The following VPS9D1 variants were observed in gnomAD, a reference collection of about 807,000 sequenced individuals.
VPS9D1 encodes the protein VPS9 domain-containing protein 1.
Under a neutral mutation model 75.8 loss-of-function variants are expected in VPS9D1, and 78 were observed. That is an observed-to-expected ratio of 1.03 (90% CI 0.86 to 1.24). The LOEUF is 1.24. Ranked by LOEUF, VPS9D1 falls within the 50% of genes most tolerant of loss-of-function variation. The probability of loss-of-function intolerance (pLI) is 0.00; values close to 1 mark genes in which losing one functional copy is unlikely to be tolerated. For missense variants in VPS9D1, 1,057 were observed against 847.7 expected (o/e 1.25, Z -3.07); for synonymous variants, 481 against 385.6 (o/e 1.25, Z -2.90).
rs2151634775 is a variant in VPS9D1 at position 89,715,562 on chromosome 16, C to T, written c.431+900G>A. 3.3e-5 allele frequency among the ~76,000 whole-genome samples: 5 copies of T among 150,014 alleles called. No individual in the cohort carries two copies. In the Middle Eastern group the frequency reaches 0.017, roughly 510 times the overall value. ...TTTTAGACAGAGTCTCATTTTGTTG[C>T]CCAAGCTGGAGTGCACTGGCACAAT... On this transcript the variant is annotated intron_variant, in intron 4 of 14. Transcript: ENST00000389386.
chr16:89,720,614 G>T (rs141038007), intron 1 of VPS9D1, 149 bp downstream of exon 1: 31 of 1,221,800 alleles, frequency 2.5e-5, no homozygotes, highest in Non-Finnish European at 3.2e-5. Flanking sequence ...CCCCGCCCCC[G>T]TCCTCGCCCG....
rs753224555 is a variant in VPS9D1 at position 89,716,497 on chromosome 16, C to T, written c.396G>A (p.Gln132=). The change falls in exon 4 of 15, where the codon CAG becomes CAA. Residue 132 remains glutamine (Q), a synonymous_variant. Coordinates refer to ENST00000389386, the MANE Select transcript of VPS9D1 (RefSeq NM_004913.3). Reference sequence around the variant, plus strand: ...TTTGTGACTCTGCCCCCTGAAGCTTCTGGAAGATCTCGGGTGGCAGAAAAG... The same window carrying T: ...TTTGTGACTCTGCCCCCTGAAGCTTTTGGAAGATCTCGGGTGGCAGAAAAG... ...LSPFLPPEIF[Q]KLQGAESQSC... 1.6e-5 allele frequency: 26 copies of T among 1,614,010 alleles called. No individual in the cohort carries two copies. The Admixed American group carries it at 4.2e-4, about 26-fold the overall frequency.
chr16:89,716,880 G>C (rs1291473181), intron 2 of VPS9D1, 58 bp from the exon 3 acceptor site: 1 of 1,460,552 alleles, frequency 6.8e-7, no homozygotes, highest in Non-Finnish European at 9.2e-7. Flanking sequence ...ACTTACTGCT[G>C]AGATAAAATG....
rs1369587327 is a variant in VPS9D1 at position 89,710,793 on chromosome 16, G to A, written c.1051C>T (p.Pro351Ser). The change falls in exon 10 of 15, where the codon CCC becomes TCC. Residue 351 changes from proline (P) to serine (S), a missense_variant. Coordinates refer to ENST00000389386, the MANE Select transcript of VPS9D1 (RefSeq NM_004913.3). ...SAAPRPQDSPPTPPLQPGPVG... is the reference protein window; with the variant it reads ...SAAPRPQDSPSTPPLQPGPVG... ...GGGCCGGGTTGGAGTGGGGGCGTGG[G>A]GGGACTGTCCTGGGGCCGCGGGGCT... 6.5e-7 allele frequency: 1 copy of A among 1,550,332 alleles called. No individual in the cohort carries two copies. The highest frequency in any genetic ancestry group is 8.7e-7 in the Non-Finnish European group (1 of 1,146,628).
In VPS9D1 at chr16:89,707,810, A is replaced by G; in HGVS notation, c.*51T>C. Reference sequence around the variant, plus strand: ...CCATGGCTCCAGGTGTAGGAGAGACAGCCCTGGGAGGCGAGGCCAGGCCCT... The same window carrying G: ...CCATGGCTCCAGGTGTAGGAGAGACGGCCCTGGGAGGCGAGGCCAGGCCCT... On this transcript the variant is annotated 3_prime_UTR_variant, in exon 15 of 15. Transcript: ENST00000389386. 6.4e-7 allele frequency: 1 copy of G among 1,550,468 alleles called. No individual in the cohort carries two copies. The highest frequency in any genetic ancestry group is 8.9e-7 in the Non-Finnish European group (1 of 1,124,814).
At chr16:89,709,472 G>C in intron 11 of VPS9D1, 37 bp from the exon 12 acceptor site, 3 of 1,490,214 alleles carry the variant, frequency 2.0e-6, no homozygotes, top group Non-Finnish European at 2.7e-6. Context: ...CTGCCCCAGG[G>C]ACCTTGCCCT....
chr16:89,712,005 G>C, intron 7 of VPS9D1, 36 bp from the exon 8 acceptor site: 1 of 1,549,460 alleles, frequency 6.5e-7, no homozygotes, highest in Non-Finnish European at 8.7e-7. Context: ...GCCGGGGCCA[G>C]GCCCTCCCCG....
intron 3 of VPS9D1, 45 bp from the exon 4 acceptor site, chr16:89,716,669 C>T: frequency 6.2e-7 from 1 of 1,603,266 alleles, no homozygotes; most frequent in Non-Finnish European, 8.5e-7. Flanking sequence ...GGCCACATCC[C>T]ACAGAGGAGA....
At chr16:89,718,904 G>A (rs1446032588) in intron 2 of VPS9D1, 123 bp downstream of exon 2, 12 of 774,082 alleles carry the variant, frequency 1.6e-5, no homozygotes, top group Middle Eastern at 3.9e-4. Context: ...TAGTAGAGAC[G>A]GGGTTTCACC....
rs2061080209 is a variant in VPS9D1, at chr16:89,716,793, A to C, written c.205T>G (p.Ser69Ala). 6.3e-7 allele frequency: 1 copy of C among 1,592,650 alleles called. No individual in the cohort carries two copies. Among genetic ancestry groups the C allele is most frequent in the South Asian group, 1.1e-5 (1 of 88,250 alleles). ...EAGETVPPDTSKMLKLAQQCL... is the reference protein window; with the variant it reads ...EAGETVPPDTAKMLKLAQQCL... Reference sequence around the variant, plus strand: ...TGCTGTGCTAGCTTCAGCATCTTGGAGGTGTCGGGGGGCACAGTTTCCCCA... The same window carrying C: ...TGCTGTGCTAGCTTCAGCATCTTGGCGGTGTCGGGGGGCACAGTTTCCCCA... Residue 69 changes from serine (S) to alanine (A), a missense_variant, in exon 3 of 15, where the codon TCC becomes GCC. By Grantham distance (99) the Ser-to-Ala change is moderately conservative. Transcript: ENST00000389386.
At position 89,709,013 on chromosome 16, in the gene VPS9D1, C is replaced by T. The variant is rs1382607738; in HGVS notation, c.1598-57G>A. The T allele has an allele frequency of 7.5e-5, 97 of 1,286,408 alleles. 1 individual carries two copies. Among genetic ancestry groups the T allele is most frequent in the South Asian group, 5.7e-4 (42 of 73,818 alleles). 79.7% of individuals were successfully genotyped at this position (1,286,408 alleles called of 1,614,324 possible). On this transcript the variant is annotated intron_variant, in intron 12 of 14. Transcript: ENST00000389386. The stretch of plus-strand genomic sequence containing the variant: ...AACCCCGTCCAGCAGCCTGAGCCAC[C>T]CCTTATACCCCGCCCACCCACCCAC...
At chr16:89,711,567 C>G in intron 8 of VPS9D1, 155 bp from the exon 9 acceptor site, 2 of 724,028 alleles carry the variant, frequency 2.8e-6, no homozygotes, top group Non-Finnish European at 4.5e-6. Flanking sequence ...GCCCCCGCCC[C>G]CACCCACACC....
At chr16:89,716,031 C>T (rs1170875878) in intron 4 of VPS9D1, among the ~76,000 whole-genome samples, 2 of 150,932 alleles carry the variant, frequency 1.3e-5, no homozygotes, top group African/African-American at 4.9e-5. Context: ...ATTTTAAAAA[C>T]ATTCGCTGTC....
At position 89,712,528 on chromosome 16, in the gene VPS9D1, G is replaced by A; in HGVS notation, c.544-6C>T. 3 of 1,612,296 alleles carry A rather than the reference G, an allele frequency of 1.9e-6. No individual in the cohort carries two copies. Among genetic ancestry groups the A allele is most frequent in the South Asian group, 2.2e-5 (2 of 91,064 alleles). ...TGCCGCTGTAGAGAGAGGGTCTGGG[G>A]GGGGAGGAGGGAGTAAGGCCGACTC... On this transcript the variant is annotated splice_polypyrimidine_tract_variant and splice_region_variant and intron_variant, in intron 5 of 14. Transcript: ENST00000389386.
chr16:89,716,366 A>G lies in VPS9D1; in HGVS notation c.431+96T>C, dbSNP rs1052086635. ...GGGTGACAGAGTGAGACTCTGTCTC[A>G]AAAAACAAAAAAAAAATCGCTGTCA... On this transcript the variant is annotated intron_variant, in intron 4 of 14. Transcript: ENST00000389386. The G allele has an allele frequency of 6.4e-6, 10 of 1,571,530 alleles. No homozygotes were observed. The East Asian group carries it at 2.3e-4, about 35-fold the overall frequency.
In VPS9D1 at chr16:89,711,960, GC is replaced by G; in HGVS notation, c.668del (p.Cys223SerfsTer6). The stretch of plus-strand genomic sequence containing the variant: ...CCTCCGGGGTCAGGGCGACTTGGCT[GC>G]AAAACCTCCTGGGGAGAAAGGCACG... ...RLQEAANRRF[C>X]SQVALTPEER... On this transcript the variant is annotated frameshift_variant, in exon 8 of 15. Transcript: ENST00000389386. LOFTEE classifies it high-confidence loss of function. The G allele has an allele frequency of 6.4e-7, 1 of 1,551,048 alleles. No individual in the cohort carries two copies. Among genetic ancestry groups the G allele is most frequent in the South Asian group, 1.2e-5 (1 of 84,076 alleles).
rs139583602 is a variant in VPS9D1, at chr16:89,707,537, C to T, written c.*324G>A. 20 of 243,952 alleles carry T rather than the reference C, an allele frequency of 8.2e-5. No individual in the cohort carries two copies. Among genetic ancestry groups the T allele is most frequent in the African/African-American group, 2.9e-4 (13 of 44,582 alleles). The allele number at this position is 243,952 out of a possible 1,614,324, so 15.1% of individuals were successfully genotyped here. ...GGAGCTGCCCCAGCCAGATGTTCAT[C>T]GCTGAGCCTGCACCCACCGAAGCCC... On this transcript the variant is annotated 3_prime_UTR_variant, in exon 15 of 15. Coordinates refer to ENST00000389386, the MANE Select transcript of VPS9D1 (RefSeq NM_004913.3).
intron 4 of VPS9D1, among the ~76,000 whole-genome samples, chr16:89,715,155 T>A (rs1260308218): frequency 6.6e-6 from 1 of 152,172 alleles, no homozygotes; most frequent in Non-Finnish European, 1.5e-5. Context: ...TATAAACTTG[T>A]CTGCTCAGTT....
At position 89,717,659 on chromosome 16, in the gene VPS9D1, G is replaced by A. The variant is rs749585456; in HGVS notation, c.176-837C>T. ...CTCCCCCCGGAAACTGCCCTTACCCGTCCCCACCTTGCCAGACACGGTGGG... is the reference window on the plus strand; with the variant it reads ...CTCCCCCCGGAAACTGCCCTTACCCATCCCCACCTTGCCAGACACGGTGGG... On this transcript the variant is annotated intron_variant, in intron 2 of 14. Coordinates refer to ENST00000389386, the MANE Select transcript of VPS9D1 (RefSeq NM_004913.3). 4.0e-5 allele frequency: 18 copies of A among 449,114 alleles called. No individual in the cohort carries two copies. In the East Asian group the frequency reaches 7.2e-4, roughly 18 times the overall value. The allele number at this position is 449,114 out of a possible 1,614,324, so 27.8% of individuals were successfully genotyped here.
Sources: allele counts gnomAD v4.1 joint callset (sites outside exome capture counted in the v4.1 genomes callset), GRCh38; gene constraint gnomAD v4.1.1; transcripts MANE v1.5; gene names NCBI Gene and HGNC (gene_info 2026-07-23, HGNC 2026-07-21).